Variants in SHISA6 observed in about 807,000 individuals in gnomAD.
The protein encoded by SHISA6 is protein shisa-6.
A neutral mutation model predicts 47.9 loss-of-function variants in SHISA6; 22 were observed. The observed-to-expected ratio is 0.46, with a 90% CI of 0.33 to 0.66. The LOEUF (loss-of-function observed/expected upper bound fraction) is 0.66, where lower values mean the gene tolerates loss of function less well. Ranked by LOEUF, SHISA6 falls within the 30% of genes least tolerant of loss-of-function variation. SHISA6 has a pLI of 0.02. For missense variants in SHISA6, 680 were observed against 764.6 expected, an observed-to-expected ratio of 0.89 and a Z score of 1.30; for synonymous variants, 388 against 337.8, an observed-to-expected ratio of 1.15 and a Z score of -1.63.
chr17:11,363,787 C>A (rs2142231863), intron 2 of SHISA6, among the ~76,000 whole-genome samples: 1 of 152,306 alleles, frequency 6.6e-6, no homozygotes, highest in East Asian at 1.9e-4. Flanking sequence ...CGTGACAACA[C>A]CCGGAGGTTA....
intron 3 of SHISA6, among the ~76,000 whole-genome samples, chr17:11,460,095 T>G (rs571609894): frequency 6.6e-6 from 1 of 152,342 alleles, no homozygotes; most frequent in South Asian, 2.1e-4. Flanking sequence ...TCTGTTTGAT[T>G]TATTGTGAAG....
intron 2 of SHISA6, among the ~76,000 whole-genome samples, chr17:11,319,258 T>C (rs1056062787): frequency 6.6e-5 from 10 of 152,114 alleles, no homozygotes; most frequent in Non-Finnish European, 1.3e-4. Context: ...TTTGTATTTT[T>C]AGTGGAGACG....
intron 2 of SHISA6, among the ~76,000 whole-genome samples, chr17:11,322,166 C>T (rs1444245756): frequency 6.6e-6 from 1 of 152,094 alleles, no homozygotes; most frequent in Admixed American, 6.5e-5. Flanking sequence ...ATATCCCTTC[C>T]ATCCTTTGTC....
chr17:11,512,109 T>C (rs1567625659), intron 3 of SHISA6, among the ~76,000 whole-genome samples: 1 of 152,232 alleles, frequency 6.6e-6, no homozygotes. Context: ...TTAAGTACAA[T>C]TTCATGTCGG....
chr17:11,476,430 C>T (rs1342183983), intron 3 of SHISA6, among the ~76,000 whole-genome samples: 2 of 152,010 alleles, frequency 1.3e-5, no homozygotes, highest in Admixed American at 6.6e-5. Flanking sequence ...ATGCACTTCC[C>T]TCTAAGTACT....
chr17:11,514,582 C>T (rs1048206998), intron 3 of SHISA6, among the ~76,000 whole-genome samples: 2 of 152,312 alleles, frequency 1.3e-5, no homozygotes, highest in East Asian at 3.9e-4. Context: ...TTCCATATGA[C>T]CTCAGCCTTC....
Position 11,341,328 on chromosome 17 carries a change from CTTTT to C in SHISA6, c.800-38065_800-38062del, listed in dbSNP as rs71367322. Among the ~76,000 whole-genome samples, 234 of 88,792 alleles carry C rather than the reference CTTTT, an allele frequency of 2.6e-3. 1 individual carries two copies. Among genetic ancestry groups the C allele is most frequent in the Non-Finnish European group, 3.5e-3 (164 of 47,440 alleles). 58.3% of individuals were successfully genotyped at this position (88,792 alleles called of 152,430 possible). On this transcript the variant is annotated intron_variant, in intron 2 of 5. Coordinates refer to ENST00000441885, the MANE Select transcript of SHISA6 (RefSeq NM_207386.4). ...GGAATCCCATTCTTTCTCTCTCTCT[CTTTT>C]TTTTTTTTTTTTTTTTTTTTGAGAC...
At chr17:11,297,172 C>G (rs1909781694) in intron 2 of SHISA6, among the ~76,000 whole-genome samples, 1 of 152,022 alleles carries the variant, frequency 6.6e-6, no homozygotes, top group African/African-American at 2.4e-5. Flanking sequence ...GACACCAGAT[C>G]ATGCGTGTTT....
At chr17:11,535,615 C>A (rs894294675) in intron 3 of SHISA6, among the ~76,000 whole-genome samples, 3 of 152,124 alleles carry the variant, frequency 2.0e-5, no homozygotes, top group African/African-American at 7.2e-5. Flanking sequence ...CACTAGAAAC[C>A]CTGTCCAGCT....
intron 3 of SHISA6, among the ~76,000 whole-genome samples, chr17:11,445,379 C>G (rs962556539): frequency 2.6e-5 from 4 of 152,086 alleles, no homozygotes; most frequent in African/African-American, 9.7e-5. Flanking sequence ...CTTAGTACTT[C>G]TGAAAGAAGA....
intron 1 of SHISA6, among the ~76,000 whole-genome samples, chr17:11,252,220 A>G (rs1173589007): frequency 1.3e-5 from 2 of 152,118 alleles, no homozygotes; most frequent in Non-Finnish European, 2.9e-5. Context: ...CCCATTCCCC[A>G]GTGTTTGGGA....
rs142202540 is a variant in SHISA6 at position 11,401,653 on chromosome 17, G to A, written c.895+22144G>A. Among the ~76,000 whole-genome samples, 874 of 152,304 alleles carry A rather than the reference G, an allele frequency of 5.7e-3. 11 individuals are homozygous for A. The highest frequency in any genetic ancestry group is 0.02 in the African/African-American group (815 of 41,562). On this transcript the variant is annotated intron_variant, in intron 3 of 5. Transcript: ENST00000441885. ...AATGAGAGCAATTTAAAAATTTGGT[G>A]TCTGGATACCAACAAAGATTTATTT...
intron 2 of SHISA6, among the ~76,000 whole-genome samples, chr17:11,311,295 A>AC (rs1471113719): frequency 5.5e-5 from 8 of 144,938 alleles, no homozygotes; most frequent in Non-Finnish European, 1.0e-4. Context: ...AAAAAAAAAA[A>AC]AAAAACCGAC....
At chr17:11,375,560 C>T (rs568689142) in intron 2 of SHISA6, among the ~76,000 whole-genome samples, 2 of 152,218 alleles carry the variant, frequency 1.3e-5, no homozygotes, top group South Asian at 4.1e-4. Flanking sequence ...TTTTTCCCTC[C>T]TTTCCTTACA....
chr17:11,506,846 C>G (rs150740542), intron 3 of SHISA6, among the ~76,000 whole-genome samples: 115 of 152,328 alleles, frequency 7.5e-4, no homozygotes, highest in African/African-American at 2.6e-3. Flanking sequence ...AGCACCGTCG[C>G]CCCAACTGAC....
chr17:11,281,100 A>G (rs1283095279), intron 2 of SHISA6, among the ~76,000 whole-genome samples: 1 of 152,212 alleles, frequency 6.6e-6, no homozygotes, highest in Non-Finnish European at 1.5e-5. Flanking sequence ...CAATTATACC[A>G]TCTGCAAGTA....
rs186855408 is a variant in SHISA6, at chr17:11,273,647, C to T, written c.799+10121C>T. The stretch of plus-strand genomic sequence containing the variant: ...GACTGTCCACGCCCTGGGCTAGGAG[C>T]CTTCATTATCATAGTCCTCGTGTAG... On this transcript the variant is annotated intron_variant, in intron 2 of 5. Transcript: ENST00000441885. 1.3e-3 allele frequency among the ~76,000 whole-genome samples: 199 copies of T among 152,334 alleles called. 2 individuals carry two copies. Among genetic ancestry groups the T allele is most frequent in the African/African-American group, 4.6e-3 (193 of 41,576 alleles).
At chr17:11,327,841 G>A (rs1039026373) in intron 2 of SHISA6, among the ~76,000 whole-genome samples, 1 of 151,770 alleles carries the variant, frequency 6.6e-6, no homozygotes, top group Non-Finnish European at 1.5e-5. Context: ...AAACACTGAA[G>A]GAAAGAGGTT....
chr17:11,476,312 C>A (rs1916049107), intron 3 of SHISA6, among the ~76,000 whole-genome samples: 1 of 150,722 alleles, frequency 6.6e-6, no homozygotes, highest in East Asian at 1.9e-4. Flanking sequence ...TTTATTGCTT[C>A]TTTACTTCTG....
Sources: allele counts gnomAD v4.1 joint callset (sites outside exome capture counted in the v4.1 genomes callset), GRCh38; gene constraint gnomAD v4.1.1; transcripts MANE v1.5; gene names NCBI Gene and HGNC (gene_info 2026-07-23, HGNC 2026-07-21).